The following FYTTD1 variants were observed in gnomAD, a reference collection of about 807,000 sequenced individuals.
FYTTD1 encodes the protein forty-two-three domain containing 1, also known as UAP56-interacting factor.
A neutral mutation model predicts 40.9 loss-of-function variants in FYTTD1; 22 were observed. The observed-to-expected ratio is 0.54, with a 90% CI of 0.38 to 0.77. The LOEUF (loss-of-function observed/expected upper bound fraction) is 0.77. Ranked by LOEUF, FYTTD1 falls within the 30% of genes least tolerant of loss-of-function variation. The pLI is 0.00. For missense variants in FYTTD1, 351 were observed against 392.2 expected, an observed-to-expected ratio of 0.90 and a Z score of 0.89; for synonymous variants, 140 against 137.9, an observed-to-expected ratio of 1.01 and a Z score of -0.10.
At chr3:197,774,689 G>A (rs1160904665) in intron 6 of FYTTD1, among the ~76,000 whole-genome samples, 2 of 150,824 alleles carry the variant, frequency 1.3e-5, no homozygotes, top group Non-Finnish European at 2.9e-5. Context: ...ATCCTGAGCA[G>A]CATAGCTCGA....
At chr3:197,754,677 T>A (rs1422519452) in intron 1 of FYTTD1, among the ~76,000 whole-genome samples, 1 of 150,980 alleles carries the variant, frequency 6.6e-6, no homozygotes, top group Non-Finnish European at 1.5e-5. Context: ...CTTTTTTTTT[T>A]TTTTTGAAAG....
At position 197,784,878 on chromosome 3, in the gene FYTTD1, C is replaced by T. The variant is rs1023840112; in HGVS notation, c.*2969C>T. ...TTTAGAGACTAATCCAGTTTAACCC[C>T]TCCTTTTTACACCTTAGTAAAGTGA... is the stretch of plus-strand genomic sequence containing the variant. On this transcript the variant is annotated 3_prime_UTR_variant, in exon 9 of 9. Coordinates refer to ENST00000241502, the MANE Select transcript of FYTTD1 (RefSeq NM_032288.7). 9.2e-5 allele frequency: 14 copies of T among 152,122 alleles called. No homozygotes were observed. The highest frequency in any genetic ancestry group is 3.4e-4 in the African/African-American group (14 of 41,422). The allele number at this position is 152,122 out of a possible 1,614,324, so 9.4% of individuals were successfully genotyped here.
chr3:197,770,083 T>C (rs371352311), intron 3 of FYTTD1, 49 bp from the exon 4 acceptor site: 2 of 1,022,914 alleles, frequency 2.0e-6, no homozygotes, highest in African/African-American at 1.6e-5. Context: ...TGTAGTAGAG[T>C]ATATAGAAAA....
chr3:197,781,415 TAAAA>T (rs745465857), intron 8 of FYTTD1, among the ~76,000 whole-genome samples: 1 of 146,298 alleles, frequency 6.8e-6, no homozygotes, highest in Non-Finnish European at 1.5e-5. Context: ...CTGTTGTTAA[TAAAA>T]AAAAAAACAG....
chr3:197,769,456 A>T (rs1729646774), intron 3 of FYTTD1, among the ~76,000 whole-genome samples: 1 of 152,236 alleles, frequency 6.6e-6, no homozygotes, highest in Non-Finnish European at 1.5e-5. Context: ...TTAATAGAAG[A>T]ATCCAGATAA....
intron 4 of FYTTD1, among the ~76,000 whole-genome samples, chr3:197,772,396 T>C (rs1025483446): frequency 6.6e-6 from 1 of 152,220 alleles, no homozygotes; most frequent in Non-Finnish European, 1.5e-5. Context: ...TAGATAAATA[T>C]GAAATTTTAA....
chr3:197,783,425 A>G lies in FYTTD1; in HGVS notation c.*1516A>G, dbSNP rs1230497415. 3.3e-5 allele frequency: 5 copies of G among 152,484 alleles called. No individual in the cohort carries two copies. The highest frequency in any genetic ancestry group is 7.3e-5 in the Non-Finnish European group (5 of 68,030). 9.4% of individuals were successfully genotyped at this position (152,484 alleles called of 1,614,324 possible). A position where few individuals can be genotyped will look rare whatever the true frequency, so the allele number is the denominator to read the frequency against. ...TCTCTCATGCTTCTTGAGTTGCTTC[A>G]TGGTTTATGCTCGCCATGGAAAGCT... On this transcript the variant is annotated 3_prime_UTR_variant, in exon 9 of 9. Coordinates refer to ENST00000241502, the MANE Select transcript of FYTTD1 (RefSeq NM_032288.7).
intron 4 of FYTTD1, among the ~76,000 whole-genome samples, chr3:197,772,313 T>C (rs80055474): frequency 6.6e-6 from 1 of 152,274 alleles, no homozygotes; most frequent in East Asian, 1.9e-4. Context: ...TGTTAAACAC[T>C]CGTTTATATA....
At chr3:197,766,363 C>T (rs959159997) in intron 2 of FYTTD1, among the ~76,000 whole-genome samples, 9 of 148,896 alleles carry the variant, frequency 6.0e-5, no homozygotes, top group African/African-American at 2.0e-4. Flanking sequence ...AAAAGTAATG[C>T]GATAAAAGGA....
chr3:197,776,891 C>T (rs773711801), intron 6 of FYTTD1, 36 bp from the exon 7 acceptor site: 50 of 1,381,416 alleles, frequency 3.6e-5, no homozygotes, highest in Non-Finnish European at 4.7e-5. Context: ...TATCAACTTA[C>T]ATTTAATGAA....
intron 1 of FYTTD1, among the ~76,000 whole-genome samples, chr3:197,754,854 A>G (rs1220975893): frequency 2.0e-5 from 3 of 151,896 alleles, no homozygotes; most frequent in Non-Finnish European, 4.4e-5. Flanking sequence ...ATTTGTGGAG[A>G]TGAGGTTTTG....
intron 2 of FYTTD1, among the ~76,000 whole-genome samples, 179 bp downstream of exon 2, chr3:197,756,736 G>A (rs1729226545): frequency 6.6e-6 from 1 of 152,172 alleles, no homozygotes; most frequent in Non-Finnish European, 1.5e-5. Flanking sequence ...GCCTTCAATA[G>A]ACGTAACACT....
intron 4 of FYTTD1, among the ~76,000 whole-genome samples, chr3:197,772,412 C>T (rs927915179): frequency 3.9e-5 from 6 of 152,110 alleles, no homozygotes; most frequent in African/African-American, 1.4e-4. Context: ...TTTAATTTTT[C>T]GTACTTCACT....
intron 7 of FYTTD1, 113 bp downstream of exon 7, chr3:197,777,114 G>C: frequency 1.5e-6 from 1 of 667,018 alleles, no homozygotes; most frequent in Non-Finnish European, 2.7e-6. Context: ...GAACCAGGAA[G>C]ACAGTAATAC....
chr3:197,779,523 T>C (rs905127236), intron 8 of FYTTD1, among the ~76,000 whole-genome samples: 1 of 139,800 alleles, frequency 7.2e-6, no homozygotes, highest in Non-Finnish European at 1.5e-5. Flanking sequence ...TGTGGATTCC[T>C]TAGGACTTTT....
chr3:197,781,407 G>C (rs1730024668), intron 8 of FYTTD1, among the ~76,000 whole-genome samples: 1 of 150,624 alleles, frequency 6.6e-6, no homozygotes, highest in Non-Finnish European at 1.5e-5. Flanking sequence ...TGTAGATGCT[G>C]TTGTTAATAA....
At chr3:197,754,667 C>CT (rs545875999) in intron 1 of FYTTD1, among the ~76,000 whole-genome samples, 4,918 of 124,270 alleles carry the variant, frequency 0.04, 323 homozygotes, top group African/African-American at 0.13. Flanking sequence ...TTTTTTCTTT[C>CT]TTTTTTTTTT....
chr3:197,771,957 G>A (rs1729733209), intron 4 of FYTTD1, among the ~76,000 whole-genome samples: 1 of 151,840 alleles, frequency 6.6e-6, no homozygotes, highest in African/African-American at 2.4e-5. Context: ...AGCTGGACGT[G>A]GTGGTTCATG....
At chr3:197,780,684 A>G (rs1730006205) in intron 8 of FYTTD1, among the ~76,000 whole-genome samples, 1 of 151,772 alleles carries the variant, frequency 6.6e-6, no homozygotes, top group Admixed American at 6.6e-5. Context: ...CTGGGATTAC[A>G]GGCATGTGCC....
Sources: allele counts gnomAD v4.1 joint callset (sites outside exome capture counted in the v4.1 genomes callset), GRCh38; gene constraint gnomAD v4.1.1; transcripts MANE v1.5; gene names NCBI Gene and HGNC (gene_info 2026-07-23, HGNC 2026-07-21).